ANK2: variants seen among roughly 807,000 people sequenced by gnomAD.
ANK2 encodes ankyrin 2, also known as ankyrin-2.
Under a neutral mutation model 360.5 loss-of-function variants are expected in ANK2, and 83 were observed. The observed-to-expected ratio is 0.23, with a 90% CI of 0.19 to 0.28. The LOEUF is 0.28. ANK2 is among the 10% of genes least tolerant of loss of function. The pLI is 1.00. For missense variants in ANK2, 4,201 were observed against 4,795.7 expected, an observed-to-expected ratio of 0.88 and a Z score of 3.66; for synonymous variants, 1,740 against 1,759.5, an observed-to-expected ratio of 0.99 and a Z score of 0.28.
At chr4:113,007,318 G>T (rs1532876) in intron 2 of ANK2, among the ~76,000 whole-genome samples, 3 of 152,138 alleles carry the variant, frequency 2.0e-5, no homozygotes, top group Non-Finnish European at 2.9e-5. Context: ...TATGGCCACA[G>T]GCTGTGCTAT....
intron 4 of ANK2, among the ~76,000 whole-genome samples, chr4:113,227,109 A>G (rs1447976130): frequency 6.6e-6 from 1 of 152,234 alleles, no homozygotes; most frequent in Non-Finnish European, 1.5e-5. Flanking sequence ...AAGTGCTGCC[A>G]TGCCTTGTCC....
chr4:113,186,043 G>A (rs532562672), intron 2 of ANK2, among the ~76,000 whole-genome samples: 4 of 152,274 alleles, frequency 2.6e-5, no homozygotes, highest in African/African-American at 2.4e-5. Flanking sequence ...CACAGCACTC[G>A]AGCTCTGCTA....
chr4:112,725,828 T>A, the ANK2 span, among the ~76,000 whole-genome samples: 1 of 152,130 alleles, frequency 6.6e-6, no homozygotes, highest in Non-Finnish European at 1.5e-5. Context: ...TTTTGCAAGA[T>A]GAAAAGAGTT....
chr4:112,950,993 A>G (rs1051436186), intron 2 of ANK2, among the ~76,000 whole-genome samples: 1 of 146,774 alleles, frequency 6.8e-6, no homozygotes. Context: ...GAGGCAGGAG[A>G]ATGGCGTGAA....
chr4:112,938,889 A>G (rs1344579176), intron 2 of ANK2, among the ~76,000 whole-genome samples: 1 of 152,214 alleles, frequency 6.6e-6, no homozygotes, highest in East Asian at 1.9e-4. Flanking sequence ...TCTGTTGACT[A>G]CTGTGTCTCC....
At chr4:113,207,171 G>A (rs1165988899) in intron 4 of ANK2, among the ~76,000 whole-genome samples, 2 of 152,120 alleles carry the variant, frequency 1.3e-5, no homozygotes, top group African/African-American at 4.8e-5. Context: ...TTATAATAAA[G>A]TAATTTTTCA....
chr4:112,892,721 A>C (rs540882371), intron 1 of ANK2, among the ~76,000 whole-genome samples: 1 of 152,356 alleles, frequency 6.6e-6, no homozygotes, highest in East Asian at 1.9e-4. Flanking sequence ...ATTCAGAATC[A>C]GTGAGACTGA....
intron 4 of ANK2, 50 bp from the exon 5 acceptor site, chr4:113,232,111 C>A: frequency 1.5e-6 from 2 of 1,328,386 alleles, no homozygotes; most frequent in Non-Finnish European, 2.2e-6. Context: ...TCCTAGTGTT[C>A]TCTCTTATAC....
At chr4:113,036,758 G>A (rs998568647) in intron 2 of ANK2, among the ~76,000 whole-genome samples, 9 of 151,710 alleles carry the variant, frequency 5.9e-5, no homozygotes, top group Admixed American at 1.3e-4. Context: ...CAGAGGCACG[G>A]ACTGTCTTTG....
chr4:113,359,364 A>G (rs1589070042), intron 38 of ANK2, 65 bp downstream of exon 38: 2 of 1,595,032 alleles, frequency 1.3e-6, no homozygotes, highest in East Asian at 2.2e-5. Flanking sequence ...GTTTTTTTGT[A>G]TGTTTGTTTT....
chr4:113,068,413 A>G lies in ANK2; in HGVS notation c.84+18601A>G, dbSNP rs1055324032. On this transcript the variant is annotated intron_variant, in intron 1 of 45. Coordinates refer to ENST00000357077, the MANE Select transcript of ANK2 (RefSeq NM_001148.6). ...CCCTTGTTTGCTTGTACCATTGAAT[A>G]TGTTGTGAATGTCATACAAACTCAC... Among the ~76,000 whole-genome samples, 5 of 152,198 alleles carry G rather than the reference A, an allele frequency of 3.3e-5. No individual in the cohort carries two copies. In the East Asian group the frequency reaches 9.6e-4, roughly 29 times the overall value.
intron 1 of ANK2, among the ~76,000 whole-genome samples, chr4:113,117,594 C>G (rs559870074): frequency 6.6e-6 from 1 of 152,128 alleles, no homozygotes. Context: ...GATGCTTGAG[C>G]AGGGTGAATT....
intron 1 of ANK2, among the ~76,000 whole-genome samples, chr4:113,063,858 G>C (rs190232785): frequency 6.6e-6 from 1 of 152,002 alleles, no homozygotes; most frequent in African/African-American, 2.4e-5. Flanking sequence ...TACATTTGAA[G>C]TTATTTAGAT....
chr4:113,348,255 A>G (rs373659155), intron 35 of ANK2, 21 bp from the exon 36 acceptor site: 11 of 1,612,540 alleles, frequency 6.8e-6, no homozygotes, highest in Non-Finnish European at 9.3e-6. Flanking sequence ...TCCATCTTGC[A>G]TGGCATCTTG....
At chr4:112,958,689 A>C (rs1024203137) in intron 2 of ANK2, among the ~76,000 whole-genome samples, 17 of 151,888 alleles carry the variant, frequency 1.1e-4, no homozygotes, top group African/African-American at 3.9e-4. Flanking sequence ...CATGTTAATC[A>C]ATTTTTTGTT....
the ANK2 span, among the ~76,000 whole-genome samples, chr4:112,749,166 C>T: frequency 1.2e-4 from 18 of 152,232 alleles, no homozygotes; most frequent in Admixed American, 3.3e-4. Flanking sequence ...TCCCACAGTG[C>T]TGGGATTACA....
At position 112,996,905 on chromosome 4, in the gene ANK2, T is replaced by C. The variant is rs149022720; in HGVS notation, c.21+92391T>C. ...ACCTCCCCGATCCCCAGCCCCCTAC[T>C]ACCTTTCCCAGCCTCTGGTAACCAT... is the stretch of plus-strand genomic sequence containing the variant. On this transcript the variant is annotated intron_variant, in intron 2 of 30. Transcript: ENST00000503271. Among the ~76,000 whole-genome samples, 806 of 152,228 alleles carry C rather than the reference T, an allele frequency of 5.3e-3. 8 individuals carry two copies. The highest frequency in any genetic ancestry group is 0.018 in the African/African-American group (765 of 41,558).
At chr4:113,143,650 G>A (rs2096725929) in intron 1 of ANK2, among the ~76,000 whole-genome samples, 1 of 152,076 alleles carries the variant, frequency 6.6e-6, no homozygotes. Context: ...TCTTTGTTTT[G>A]GGTTTATATT....
chr4:113,210,310 G>C lies in ANK2; in HGVS notation c.384+11201G>C, dbSNP rs148556665. On this transcript the variant is annotated intron_variant, in intron 4 of 45. Transcript: ENST00000357077. ...AGATAGAAGAGGGTTTATGTTTTAG[G>C]GACAATTTTCACATTGAAGAAAATA... 6.4e-4 allele frequency among the ~76,000 whole-genome samples: 97 copies of C among 152,088 alleles called. No individual in the cohort carries two copies. In the East Asian group the frequency reaches 0.018, roughly 29 times the overall value.
Sources: gnomAD v4.1 joint callset for allele counts (sites outside exome capture counted in the v4.1 genomes callset) on GRCh38, gnomAD v4.1.1 for gene constraint, MANE v1.5 for transcripts, NCBI Gene and HGNC (gene_info 2026-07-23, HGNC 2026-07-21) for gene names.